Variants in CPSF6 observed in about 807,000 individuals in gnomAD.
CPSF6 encodes cleavage and polyadenylation specificity factor subunit 6.
A neutral mutation model predicts 56.7 loss-of-function variants in CPSF6; 10 were observed. The ratio of observed to expected loss-of-function variants is 0.18; its 90% CI spans 0.11 to 0.30. CPSF6 has a LOEUF of 0.30. CPSF6 is among the 10% of genes least tolerant of loss of function. CPSF6 has a pLI of 1.00. For missense variants in CPSF6, 419 were observed against 722.9 expected (o/e 0.58, Z 4.82); for synonymous variants, 248 against 244.8 (o/e 1.01, Z -0.12).
In CPSF6 at chr12:69,258,713, C is replaced by T. The variant is rs749782726; in HGVS notation, c.818C>T (p.Pro273Leu). The T allele has an allele frequency of 2.5e-6, 4 of 1,613,964 alleles. No individual in the cohort carries two copies. The stretch of plus-strand genomic sequence containing the variant: ...GGGCCTCCTAATCGAGGAGATCGCC[C>T]TCCACCACCAGTTCTTTTTCCTGGA... ...LAGPPNRGDR[P>L]PPPVLFPGQP... Residue 273 changes from proline (P) to leucine (L), a missense_variant, in exon 6 of 10, where the codon CCT (proline) becomes CTT (leucine). Pro to Leu is a moderately conservative substitution (Grantham distance 98). Around this residue, in one of 4 missense-constraint regions of CPSF6, gnomAD observed 211 missense variants for 296.0 expected, o/e 0.71. Transcript: ENST00000435070. The surrounding 1 kb of genome is among the most constrained non-coding windows in gnomAD (Gnocchi z 4.2).
intron 9 of CPSF6, among the ~76,000 whole-genome samples, chr12:69,263,422 ATTTGT>A (rs779972758): frequency 6.6e-6 from 1 of 151,952 alleles, no homozygotes; most frequent in Non-Finnish European, 1.5e-5. Context: ...TATTTTTTAT[ATTTGT>A]TAATAGCATT....
chr12:69,257,594 C>G (rs968233265), intron 4 of CPSF6, 138 bp from the exon 5 acceptor site: 1 of 706,282 alleles, frequency 1.4e-6, no homozygotes, highest in African/African-American at 1.9e-5. Context: ...CTAAACCATA[C>G]TTTCTTATGT....
Position 69,251,250 on chromosome 12 carries a change from G to T in CPSF6, c.182G>T (p.Gly61Val). 6.2e-7 allele frequency: 1 copy of T among 1,613,066 alleles called. No homozygotes were observed. Among genetic ancestry groups the T allele is most frequent in the Non-Finnish European group, 8.5e-7 (1 of 1,179,864 alleles). Residue 61 changes from glycine to valine, a missense_variant, in exon 2 of 10, where the codon GGT (glycine) becomes GTT (valine). Coordinates refer to ENST00000435070, the MANE Select transcript of CPSF6 (RefSeq NM_007007.3). Reference sequence around the variant, plus strand: ...ATGGATACTCTCCCACCAACTGTTGGTGATGATGTGGGTAAAGGAGCAGCA... The same window carrying T: ...ATGGATACTCTCCCACCAACTGTTGTTGATGATGTGGGTAAAGGAGCAGCA... ...DYMDTLPPTV[G>V]DDVGKGAAPN...
At position 69,239,632 on chromosome 12, in the gene CPSF6, C is replaced by T. The variant is rs753494865; in HGVS notation, c.-15C>T. Reference sequence around the variant, plus strand: ...AGGAGGCGGCGGCGGCGGCGGCGGCCGAGGCTGAAGGAAGATGGCGGACGG... The same window carrying T: ...AGGAGGCGGCGGCGGCGGCGGCGGCTGAGGCTGAAGGAAGATGGCGGACGG... On this transcript the variant is annotated 5_prime_UTR_variant, in exon 1 of 10. Coordinates refer to ENST00000435070, the MANE Select transcript of CPSF6 (RefSeq NM_007007.3). The T allele has an allele frequency of 1.9e-6, 3 of 1,565,398 alleles. No individual in the cohort carries two copies. The highest frequency in any genetic ancestry group is 2.8e-5 in the African/African-American group (2 of 70,484).
chr12:69,248,093 G>A (rs1872010913), intron 1 of CPSF6, among the ~76,000 whole-genome samples: 1 of 152,138 alleles, frequency 6.6e-6, no homozygotes, highest in Non-Finnish European at 1.5e-5. Flanking sequence ...GTGGAAAATT[G>A]GTTTGTGTCA....
intron 1 of CPSF6, among the ~76,000 whole-genome samples, chr12:69,244,449 C>G (rs906502960): frequency 6.6e-6 from 1 of 152,140 alleles, no homozygotes; most frequent in South Asian, 2.1e-4. Context: ...GTCTCGAACT[C>G]GTGACCTCAA....
chr12:69,255,632 C>T (rs949816164), intron 3 of CPSF6, among the ~76,000 whole-genome samples: 2 of 152,154 alleles, frequency 1.3e-5, no homozygotes, highest in South Asian at 4.1e-4. Context: ...ACTTCTGCCT[C>T]CCAGGTTCAA....
intron 1 of CPSF6, among the ~76,000 whole-genome samples, chr12:69,246,476 G>T (rs1871911824): frequency 6.6e-6 from 1 of 152,128 alleles, no homozygotes; most frequent in Admixed American, 6.5e-5. Context: ...CCTGTGAATT[G>T]TCCACTATGG....
intron 1 of CPSF6, among the ~76,000 whole-genome samples, chr12:69,249,497 A>T (rs1173737894): frequency 1.3e-5 from 2 of 152,122 alleles, no homozygotes; most frequent in Non-Finnish European, 2.9e-5. Flanking sequence ...TGCCATTTGT[A>T]TAATTCTTTA....
rs1377836014 is a variant in CPSF6 at position 69,258,478 on chromosome 12, A to G, written c.695-112A>G. The G allele has an allele frequency of 5.4e-6, 6 of 1,112,818 alleles. No individual in the cohort carries two copies. Among genetic ancestry groups the G allele is most frequent in the Non-Finnish European group, 7.5e-6 (6 of 803,010 alleles). 68.9% of individuals were successfully genotyped at this position (1,112,818 alleles called of 1,614,324 possible). Reference sequence around the variant, plus strand: ...TTTACCATACGGGTTTAATTTAAAGACAAAGACTTGGTGTATGCTCTATGC... The same window carrying G: ...TTTACCATACGGGTTTAATTTAAAGGCAAAGACTTGGTGTATGCTCTATGC... On this transcript the variant is annotated intron_variant, in intron 5 of 9. Coordinates refer to ENST00000435070, the MANE Select transcript of CPSF6 (RefSeq NM_007007.3). The surrounding 1 kb of genome is among the most constrained non-coding windows in gnomAD (Gnocchi z 4.2).
At position 69,244,121 on chromosome 12, in the gene CPSF6, G is replaced by T. The variant is rs577628657; in HGVS notation, c.60+4415G>T. Among the ~76,000 whole-genome samples, 20 of 152,186 alleles carry T rather than the reference G, an allele frequency of 1.3e-4. No homozygotes were observed. In the East Asian group the frequency reaches 3.7e-3, roughly 28 times the overall value. On this transcript the variant is annotated intron_variant, in intron 1 of 9. Transcript: ENST00000435070. ...AGGCGTGAGCCACTGTGACTGGCCCGTTTTTACTTTATAAATTTGGACTCT... is the reference window on the plus strand; with the variant it reads ...AGGCGTGAGCCACTGTGACTGGCCCTTTTTTACTTTATAAATTTGGACTCT...
intron 3 of CPSF6, among the ~76,000 whole-genome samples, chr12:69,253,742 A>G (rs1044574934): frequency 6.6e-6 from 1 of 152,206 alleles, no homozygotes; most frequent in Non-Finnish European, 1.5e-5. Context: ...GATATAAGGA[A>G]TAAAAATAAA....
At chr12:69,248,813 G>T (rs951636271) in intron 1 of CPSF6, among the ~76,000 whole-genome samples, 2 of 151,988 alleles carry the variant, frequency 1.3e-5, no homozygotes, top group Non-Finnish European at 2.9e-5. Flanking sequence ...AGTAAAATTG[G>T]TATGTAAAGA....
intron 1 of CPSF6, among the ~76,000 whole-genome samples, chr12:69,243,585 A>C (rs1355466538): frequency 6.6e-6 from 1 of 152,206 alleles, no homozygotes; most frequent in Non-Finnish European, 1.5e-5. Flanking sequence ...GTATTTGTGT[A>C]TCTAATATAT....
At chr12:69,251,469 T>G (rs935038113) in intron 2 of CPSF6, 131 bp downstream of exon 2, 2 of 568,620 alleles carry the variant, frequency 3.5e-6, no homozygotes, top group Non-Finnish European at 5.9e-6. Flanking sequence ...GCTTGTCCAA[T>G]GAGGAGGGAA....
At position 69,258,695 on chromosome 12, in the gene CPSF6, C is replaced by G; in HGVS notation, c.800C>G (p.Pro267Arg). The change falls in exon 6 of 10, where the codon CCT (proline) becomes CGT (arginine). Residue 267 changes from proline to arginine, a missense_variant. Pro to Arg is a moderately radical substitution (Grantham distance 103). Around this residue, in one of 4 missense-constraint regions of CPSF6, gnomAD observed 211 missense variants for 296.0 expected, o/e 0.71. Transcript: ENST00000435070. This position sits in a 1 kb window ranked among gnomAD's most constrained non-coding sequence, Gnocchi z 4.2. ...CTGCCTCCTCCTCTAGCTGGGCCTC[C>G]TAATCGAGGAGATCGCCCTCCACCA... ...QVLPPPLAGPPNRGDRPPPPV... is the reference protein window; with the variant it reads ...QVLPPPLAGPRNRGDRPPPPV... 1 of 1,614,050 alleles carries G rather than the reference C, an allele frequency of 6.2e-7. No individual in the cohort carries two copies. Among genetic ancestry groups the G allele is most frequent in the Non-Finnish European group, 8.5e-7 (1 of 1,179,996 alleles).
At position 69,253,100 on chromosome 12, in the gene CPSF6, A is replaced by G. The variant is rs1872328424; in HGVS notation, c.320A>G (p.Asn107Ser). The change falls in exon 3 of 10, where the codon AAT becomes AGT. Residue 107 changes from asparagine (N) to serine (S), a missense_variant. By Grantham distance (46) the Asn-to-Ser change is conservative (BLOSUM62 1). Coordinates refer to ENST00000435070, the MANE Select transcript of CPSF6 (RefSeq NM_007007.3). ...LTEAVHSLGV[N>S]DILEIKFFEN... ...GAAGCAGTTCATTCTTTGGGAGTAA[A>G]TGATATTTTGGAGATAAAATTTTTT... 1.3e-6 allele frequency: 2 copies of G among 1,595,276 alleles called. No homozygotes were observed. Among genetic ancestry groups the G allele is most frequent in the Non-Finnish European group, 1.7e-6 (2 of 1,171,292 alleles).
intron 8 of CPSF6, among the ~76,000 whole-genome samples, chr12:69,260,900 A>G (rs544736525): frequency 1.3e-5 from 2 of 152,182 alleles, no homozygotes; most frequent in Non-Finnish European, 2.9e-5. Context: ...GGCATGAGCC[A>G]GTGTGCTCAG....
At chr12:69,259,584 T>C (rs763090378) in intron 7 of CPSF6, 41 bp downstream of exon 7, 26 of 1,533,414 alleles carry the variant, frequency 1.7e-5, no homozygotes, top group Non-Finnish European at 1.7e-5. Context: ...ATTTATGTTA[T>C]TAGGAATGAC....
Sources: allele counts gnomAD v4.1 joint callset (sites outside exome capture counted in the v4.1 genomes callset), GRCh38; gene constraint gnomAD v4.1.1; regional missense constraint gnomAD v4.1.1; non-coding constraint Gnocchi (gnomAD v3.1); transcripts MANE v1.5; gene names NCBI Gene and HGNC (gene_info 2026-07-23, HGNC 2026-07-21).